PSD3: variants seen among roughly 807,000 people sequenced by gnomAD.
PSD3 encodes the protein pleckstrin and Sec7 domain containing 3, also known as PH and SEC7 domain-containing protein 3.
Under a neutral mutation model 105.5 loss-of-function variants are expected in PSD3, and 49 were observed. The ratio of observed to expected loss-of-function variants is 0.46; its 90% confidence interval spans 0.37 to 0.59. The LOEUF (loss-of-function observed/expected upper bound fraction) is 0.59. Ranked by LOEUF, PSD3 falls within the 20% of genes least tolerant of loss-of-function variation. PSD3 has a pLI of 0.00. For missense variants in PSD3, 1,561 were observed against 1,263.8 expected (o/e 1.24, Z -3.57); for synonymous variants, 557 against 457.8 (o/e 1.22, Z -2.77).
At chr8:18,747,560 T>C (rs550363272) in intron 9 of PSD3, among the ~76,000 whole-genome samples, 2 of 152,134 alleles carry the variant, frequency 1.3e-5, no homozygotes, top group African/African-American at 4.8e-5. Flanking sequence ...GGAAAATGAA[T>C]GGAAAAAGAG....
chr8:19,031,345 A>C (rs1827763179), intron 1 of PSD3, among the ~76,000 whole-genome samples: 8 of 152,212 alleles, frequency 5.3e-5, no homozygotes, highest in Admixed American at 5.2e-4. Flanking sequence ...ATTATTTATT[A>C]TACGTTTGAA....
intron 4 of PSD3, chr8:18,864,834 C>T (rs1041487572): frequency 6.6e-6 from 1 of 152,052 alleles, no homozygotes; most frequent in Non-Finnish European, 1.5e-5. Flanking sequence ...TTCCTTGCCT[C>T]GGCAGAGGGA....
chr8:18,802,950 A>G (rs1397189956), intron 6 of PSD3, among the ~76,000 whole-genome samples: 2 of 152,216 alleles, frequency 1.3e-5, no homozygotes, highest in Non-Finnish European at 2.9e-5. Context: ...GCTGACATTC[A>G]TTTTTATTCC....
At chr8:18,584,137 A>G (rs968976662) in intron 12 of PSD3, among the ~76,000 whole-genome samples, 1 of 152,224 alleles carries the variant, frequency 6.6e-6, no homozygotes, top group Non-Finnish European at 1.5e-5. Flanking sequence ...TATGTACTCA[A>G]CTAATAGAAG....
intron 1 of PSD3, among the ~76,000 whole-genome samples, chr8:19,028,001 A>T (rs1431868995): frequency 6.6e-6 from 1 of 152,188 alleles, no homozygotes; most frequent in Non-Finnish European, 1.5e-5. Flanking sequence ...TTAACTTTTT[A>T]AAAAATCTGC....
intron 9 of PSD3, among the ~76,000 whole-genome samples, chr8:18,749,222 T>C (rs967191468): frequency 6.6e-6 from 1 of 152,218 alleles, no homozygotes; most frequent in African/African-American, 2.4e-5. Flanking sequence ...CTGCTCTTAG[T>C]GGACCACACG....
intron 9 of PSD3, among the ~76,000 whole-genome samples, chr8:18,670,190 G>C (rs771500620): frequency 1.3e-5 from 2 of 152,160 alleles, no homozygotes; most frequent in Non-Finnish European, 2.9e-5. Flanking sequence ...GCCACGCACA[G>C]GTGTGGGGAG....
intron 8 of PSD3, among the ~76,000 whole-genome samples, chr8:18,776,053 C>T (rs919548652): frequency 6.6e-6 from 1 of 151,924 alleles, no homozygotes; most frequent in African/African-American, 2.4e-5. Context: ...TAGTTTGATT[C>T]TTCTTCATAA....
At position 18,544,171 on chromosome 8, in the gene PSD3, C is replaced by CAAAAAAAAAAAAAA. The variant is rs201016537; in HGVS notation, c.2929-8227_2929-8214dup. 1.3e-4 allele frequency among the ~76,000 whole-genome samples: 14 copies of CAAAAAAAAAAAAAA among 106,714 alleles called. 1 individual carries two copies. Among genetic ancestry groups the CAAAAAAAAAAAAAA allele is most frequent in the African/African-American group, 3.0e-4 (6 of 20,246 alleles). The allele number at this position is 106,714 out of a possible 152,430, so 70.0% of individuals were successfully genotyped here. A position where few individuals can be genotyped will look rare whatever the true frequency, so the allele number is the denominator to read the frequency against. ...TACAATGGAAAACAAAGAAACAAAC[C>CAAAAAAAAAAAAAA]AAAAAAAAAAAAAAAAAAAAAAAAA... On this transcript the variant is annotated intron_variant, in intron 15 of 15. Coordinates refer to ENST00000327040, the MANE Select transcript of PSD3 (RefSeq NM_015310.4).
chr8:18,540,645 C>A (rs894903021), intron 15 of PSD3, among the ~76,000 whole-genome samples: 2 of 152,154 alleles, frequency 1.3e-5, no homozygotes, highest in African/African-American at 4.8e-5. Flanking sequence ...CATCACCTTG[C>A]GCCTGGGTTC....
chr8:18,562,547 T>C (rs1451746711), intron 14 of PSD3, among the ~76,000 whole-genome samples: 2 of 152,136 alleles, frequency 1.3e-5, no homozygotes, highest in African/African-American at 4.8e-5. Flanking sequence ...CTCTCAAACG[T>C]GCAGGCTGGA....
chr8:18,988,363 A>T (rs368654707), intron 1 of PSD3, among the ~76,000 whole-genome samples: 3 of 152,310 alleles, frequency 2.0e-5, no homozygotes, highest in Non-Finnish European at 4.4e-5. Flanking sequence ...TTATCTTGGA[A>T]ATAAAACTGT....
At chr8:18,655,325 C>G (rs1287895929) in intron 10 of PSD3, among the ~76,000 whole-genome samples, 5 of 113,534 alleles carry the variant, frequency 4.4e-5, no homozygotes, top group Admixed American at 2.6e-4. Flanking sequence ...CCAGACTCCA[C>G]CTCAAAAAAA....
intron 1 of PSD3, among the ~76,000 whole-genome samples, chr8:19,030,819 G>A (rs922494086): frequency 7.2e-5 from 11 of 152,086 alleles, no homozygotes; most frequent in Non-Finnish European, 1.3e-4. Flanking sequence ...TATGGTCTTT[G>A]TCACAGCCTT....
chr8:18,862,777 T>C (rs956322803), intron 4 of PSD3, among the ~76,000 whole-genome samples: 2 of 151,744 alleles, frequency 1.3e-5, no homozygotes, highest in African/African-American at 4.8e-5. Flanking sequence ...TTATTTCACA[T>C]GAATTCTTCC....
chr8:18,606,587 G>T (rs960827218), intron 11 of PSD3, among the ~76,000 whole-genome samples: 39 of 152,122 alleles, frequency 2.6e-4, no homozygotes, highest in Admixed American at 2.6e-3. Context: ...AAGAAGGGAA[G>T]AATTTATGCA....
chr8:18,971,716 A>G (rs1361460968), intron 1 of PSD3, among the ~76,000 whole-genome samples: 1 of 152,176 alleles, frequency 6.6e-6, no homozygotes, highest in African/African-American at 2.4e-5. Flanking sequence ...CTAAAATACT[A>G]TAAACAGGCC....
intron 9 of PSD3, among the ~76,000 whole-genome samples, chr8:18,707,805 G>A (rs1434777932): frequency 1.3e-5 from 2 of 152,190 alleles, no homozygotes; most frequent in East Asian, 3.9e-4. Context: ...AAAAGTTTGG[G>A]ATGGGAAGTA....
At chr8:18,816,062 C>T (rs920176474) in intron 4 of PSD3, among the ~76,000 whole-genome samples, 1 of 152,176 alleles carries the variant, frequency 6.6e-6, no homozygotes, top group African/African-American at 2.4e-5. Context: ...ATTCCAGCTC[C>T]CCTGGAGACA....
Sources: allele counts gnomAD v4.1 joint callset (sites outside exome capture counted in the v4.1 genomes callset), GRCh38; gene constraint gnomAD v4.1.1; transcripts MANE v1.5; gene names NCBI Gene and HGNC (gene_info 2026-07-23, HGNC 2026-07-21).